KSR2: variants seen among roughly 807,000 people sequenced by gnomAD.
The protein encoded by KSR2 is kinase suppressor of ras 2.
A neutral mutation model predicts 107.8 loss-of-function variants in KSR2; 25 were observed. That is an observed-to-expected ratio of 0.23 (90% CI 0.17 to 0.32). The LOEUF is 0.32. Ranked by LOEUF, KSR2 falls within the 10% of genes least tolerant of loss-of-function variation. The probability of loss-of-function intolerance (pLI) is 1.00; values close to 1 mark genes in which losing one functional copy is unlikely to be tolerated. For missense variants in KSR2, 887 were observed against 1,268.9 expected, an observed-to-expected ratio of 0.70 and a Z score of 4.57; for synonymous variants, 480 against 507.0, an observed-to-expected ratio of 0.95 and a Z score of 0.71.
rs1308227277 is a variant in KSR2 at position 117,870,992 on chromosome 12, C to T, written c.181-10561G>A. Among the ~76,000 whole-genome samples, 6 of 152,182 alleles carry T rather than the reference C, an allele frequency of 3.9e-5. 1 individual carries two copies. Among genetic ancestry groups the T allele is most frequent in the Non-Finnish European group, 8.8e-5 (6 of 68,028 alleles). On this transcript the variant is annotated intron_variant, in intron 1 of 19. Coordinates refer to ENST00000339824, the MANE Select transcript of KSR2 (RefSeq NM_173598.6). ...CGAGCAGTGCTTCCCAAACAGGGAT[C>T]CTGGGAAAGAGCAGCTCTTTCTCCT... is the stretch of plus-strand genomic sequence containing the variant.
At chr12:117,545,659 G>A (rs541417371) in intron 9 of KSR2, among the ~76,000 whole-genome samples, 1 of 152,194 alleles carries the variant, frequency 6.6e-6, no homozygotes, top group Admixed American at 6.5e-5. Context: ...TGTAATCAGA[G>A]TTTTCTCTTT....
chr12:117,903,048 A>C (rs559982632), intron 1 of KSR2, among the ~76,000 whole-genome samples: 5 of 152,354 alleles, frequency 3.3e-5, no homozygotes, highest in African/African-American at 1.2e-4. Flanking sequence ...GAACACAGCA[A>C]GGCCCCTACA....
At chr12:117,657,481 C>T (rs906977830) in intron 5 of KSR2, among the ~76,000 whole-genome samples, 1 of 152,188 alleles carries the variant, frequency 6.6e-6, no homozygotes, top group African/African-American at 2.4e-5. Context: ...ACCATGAATC[C>T]CAATCACCAA....
intron 4 of KSR2, among the ~76,000 whole-genome samples, chr12:117,685,850 G>A (rs991432020): frequency 3.3e-5 from 5 of 152,168 alleles, no homozygotes; most frequent in South Asian, 2.1e-4. Context: ...TCCTGACCTA[G>A]CTCTGTCATT....
intron 1 of KSR2, among the ~76,000 whole-genome samples, chr12:117,890,049 T>A (rs905552319): frequency 2.0e-5 from 3 of 152,234 alleles, no homozygotes; most frequent in African/African-American, 7.2e-5. Flanking sequence ...CTGCCACAGC[T>A]GCTGACTCAG....
chr12:117,493,969 C>T (rs1421742916), intron 14 of KSR2, among the ~76,000 whole-genome samples: 3 of 152,188 alleles, frequency 2.0e-5, no homozygotes, highest in Non-Finnish European at 4.4e-5. Flanking sequence ...CCATAGGGAA[C>T]TGTAAGTCCA....
intron 3 of KSR2, among the ~76,000 whole-genome samples, chr12:117,761,907 A>C (rs1378937555): frequency 6.6e-6 from 1 of 152,230 alleles, no homozygotes; most frequent in Non-Finnish European, 1.5e-5. Flanking sequence ...CATCATATGC[A>C]TGCTATTTCA....
intron 5 of KSR2, among the ~76,000 whole-genome samples, chr12:117,598,599 C>T (rs897034943): frequency 2.0e-5 from 3 of 152,030 alleles, no homozygotes; most frequent in Non-Finnish European, 4.4e-5. Context: ...AAAAGTGTTC[C>T]GTTTTCACCA....
chr12:117,505,930 C>T (rs964752471), intron 14 of KSR2, among the ~76,000 whole-genome samples: 3 of 152,154 alleles, frequency 2.0e-5, no homozygotes, highest in Admixed American at 6.5e-5. Context: ...GCCCTTTGCA[C>T]ACCTCTGTTT....
At chr12:117,798,568 G>A (rs1593249722) in intron 3 of KSR2, among the ~76,000 whole-genome samples, 1 of 152,212 alleles carries the variant, frequency 6.6e-6, no homozygotes, top group East Asian at 1.9e-4. Flanking sequence ...GGGAGGTGGA[G>A]GTTGCAGTAG....
intron 7 of KSR2, among the ~76,000 whole-genome samples, chr12:117,576,534 G>T (rs550967276): frequency 8.7e-4 from 132 of 152,104 alleles, no homozygotes; most frequent in African/African-American, 2.7e-3. Flanking sequence ...GTCTTGCTCT[G>T]TTGCCTAGGC....
chr12:117,700,229 T>C (rs1886248203), intron 4 of KSR2, among the ~76,000 whole-genome samples: 1 of 152,122 alleles, frequency 6.6e-6, no homozygotes, highest in African/African-American at 2.4e-5. Flanking sequence ...ATGACTGTAT[T>C]GTTATCCTCA....
chr12:117,808,855 T>C (rs1891097662), intron 3 of KSR2, among the ~76,000 whole-genome samples: 1 of 152,172 alleles, frequency 6.6e-6, no homozygotes, highest in African/African-American at 2.4e-5. Context: ...TTCTGGCCAA[T>C]GGAATACGGA....
chr12:117,572,699 TAAAAAAA>T (rs35907962), intron 7 of KSR2, among the ~76,000 whole-genome samples: 3 of 123,694 alleles, frequency 2.4e-5, no homozygotes, highest in Non-Finnish European at 5.3e-5. Context: ...TCCAGCCCAT[TAAAAAAA>T]AAAAAAAAAA....
intron 5 of KSR2, among the ~76,000 whole-genome samples, chr12:117,587,151 C>T (rs1355300518): frequency 6.6e-6 from 1 of 152,176 alleles, no homozygotes; most frequent in East Asian, 1.9e-4. Flanking sequence ...TAATGCTCCT[C>T]TCCCACCCAA....
At chr12:117,947,186 GAAAAGAAAGAAAAGAAAGAAAA>G (rs1896207923) in intron 1 of KSR2, among the ~76,000 whole-genome samples, 1 of 99,248 alleles carries the variant, frequency 1.0e-5, no homozygotes. Context: ...AAGAAAGAAA[GAAAAGAAAGAAAAGAAAGAAAA>G]GAAAGAAAGA....
chr12:117,794,049 CACTCGTACCAACATGCACACAT>C (rs1890453290), intron 3 of KSR2, among the ~76,000 whole-genome samples: 1 of 109,438 alleles, frequency 9.1e-6, no homozygotes, highest in African/African-American at 3.8e-5. Context: ...CCAACATGCA[CACTCGTACCAACATGCACACAT>C]ACACCAACAT....
intron 2 of KSR2, 149 bp from the exon 3 acceptor site, chr12:117,855,727 A>G: frequency 1.3e-6 from 1 of 751,916 alleles, no homozygotes. Flanking sequence ...TTTGCCACTC[A>G]TTATCTAGAT....
At chr12:117,545,589 C>G (rs1033320740) in intron 9 of KSR2, among the ~76,000 whole-genome samples, 1 of 152,162 alleles carries the variant, frequency 6.6e-6, no homozygotes, top group African/African-American at 2.4e-5. Context: ...TGTAGCATAT[C>G]TCTTTATCCA....
Sources: allele counts gnomAD v4.1 joint callset (sites outside exome capture counted in the v4.1 genomes callset), GRCh38; gene constraint gnomAD v4.1.1; transcripts MANE v1.5; gene names NCBI Gene and HGNC (gene_info 2026-07-23, HGNC 2026-07-21).